Variants in CCL17 observed in about 807,000 individuals in gnomAD.
CCL17 encodes C-C motif chemokine ligand 17.
CCL17 carries 8 observed loss-of-function variants against 7.4 expected under a neutral mutation model. The ratio of observed to expected loss-of-function variants is 1.09; its 90% CI spans 0.64 to 1.96. CCL17 has a LOEUF of 1.96. Ranked by LOEUF, CCL17 falls within the 30% of genes most tolerant of loss-of-function variation. The pLI, the probability that CCL17 is intolerant of heterozygous loss-of-function variation, is 0.00. For missense variants in CCL17, 102 were observed against 113.0 expected, an observed-to-expected ratio of 0.90 and a Z score of 0.44; for synonymous variants, 40 against 46.1, an observed-to-expected ratio of 0.87 and a Z score of 0.54.
chr16:57,409,826 G>T (rs403724), intron 1 of CCL17, among the ~76,000 whole-genome samples: 1 of 152,150 alleles, frequency 6.6e-6, no homozygotes, highest in Non-Finnish European at 1.5e-5. Context: ...TGGGGTCAGG[G>T]GTGGAAATAC....
intron 1 of CCL17, among the ~76,000 whole-genome samples, chr16:57,407,423 A>G (rs1213425956): frequency 6.6e-6 from 1 of 152,230 alleles, no homozygotes; most frequent in Admixed American, 6.5e-5. Context: ...GGTGTGTCTC[A>G]TGAAATGATG....
At chr16:57,407,156 G>A (rs1199034298) in intron 1 of CCL17, among the ~76,000 whole-genome samples, 2 of 152,176 alleles carry the variant, frequency 1.3e-5, no homozygotes, top group Non-Finnish European at 2.9e-5. Context: ...TATGGAAGTG[G>A]AGAGACAGGA....
intron 1 of CCL17, among the ~76,000 whole-genome samples, chr16:57,410,910 C>G (rs763595316): frequency 6.6e-6 from 1 of 152,164 alleles, no homozygotes; most frequent in African/African-American, 2.4e-5. Context: ...GCCCACGGCG[C>G]GGGGCAAGGT....
rs760471927 is a variant in CCL17 at position 57,413,916 on chromosome 16, C to A, written c.-17C>A. On this transcript the variant is annotated 5_prime_UTR_variant, in exon 2 of 4. Coordinates refer to ENST00000219244, the MANE Select transcript of CCL17 (RefSeq NM_002987.3). ...AGGGACCTGCACACAGAGACTCCCT[C>A]CTGGGCTCCTGGCACCATGGCCCCA... is the stretch of plus-strand genomic sequence containing the variant. 1 of 1,598,898 alleles carries A rather than the reference C, an allele frequency of 6.3e-7. No homozygotes were observed. Among genetic ancestry groups the A allele is most frequent in the Non-Finnish European group, 8.5e-7 (1 of 1,172,730 alleles).
upstream of CCL17, among the ~76,000 whole-genome samples, chr16:57,401,461 T>A (rs529574128): frequency 6.6e-6 from 1 of 151,002 alleles, no homozygotes; most frequent in South Asian, 2.1e-4. Context: ...GAGGTAGAGG[T>A]TGCAGTGAGA....
intron 1 of CCL17, among the ~76,000 whole-genome samples, chr16:57,407,291 T>C (rs1229597435): frequency 1.3e-5 from 2 of 152,052 alleles, no homozygotes; most frequent in South Asian, 2.1e-4. Context: ...CAAGCCACAG[T>C]TGAAGCAATA....
chr16:57,413,502 T>C (rs223828), intron 1 of CCL17, among the ~76,000 whole-genome samples: 141,768 of 152,176 alleles, frequency 0.93, 66,466 homozygotes, highest in African/African-American at 0.98. Flanking sequence ...TCTGCCTGGT[T>C]GACTCCCCGA....
In CCL17 at chr16:57,415,873, C is replaced by G. The variant is rs377119374; in HGVS notation, c.*12C>G. ...TTGAGAGGTCTTGAAGCCTCCTCAC[C>G]CCAGACTCCTGACTGTCTCCCGGGA... On this transcript the variant is annotated 3_prime_UTR_variant, in exon 4 of 4. Coordinates refer to ENST00000219244, the MANE Select transcript of CCL17 (RefSeq NM_002987.3). This position sits in a 1 kb window ranked among gnomAD's most constrained non-coding sequence, Gnocchi z 4.5. 1 of 1,528,832 alleles carries G rather than the reference C, an allele frequency of 6.5e-7. No individual in the cohort carries two copies. Among genetic ancestry groups the G allele is most frequent in the East Asian group, 2.2e-5 (1 of 44,464 alleles). The allele number at this position is 1,528,832 out of a possible 1,614,324, so 94.7% of individuals were successfully genotyped here.
the CCL17 span, among the ~76,000 whole-genome samples, chr16:57,398,322 G>A: frequency 2.0e-5 from 3 of 152,288 alleles, no homozygotes; most frequent in Admixed American, 6.5e-5. Flanking sequence ...ACTGGTTGTG[G>A]GGTTATTCCT....
At chr16:57,404,959 T>C (rs74721250) in intron 1 of CCL17, 123 bp downstream of exon 1, 2,160 of 154,134 alleles carry the variant, frequency 0.014, 55 homozygotes, top group African/African-American at 0.048. Flanking sequence ...AGATAATCCA[T>C]ACAAGAAGGG....
At chr16:57,406,170 C>G (rs1395949363) in intron 1 of CCL17, among the ~76,000 whole-genome samples, 1 of 152,216 alleles carries the variant, frequency 6.6e-6, no homozygotes, top group Non-Finnish European at 1.5e-5. Flanking sequence ...CTGCCACCAG[C>G]TAGCTCTGTG....
intron 1 of CCL17, among the ~76,000 whole-genome samples, chr16:57,408,289 C>G (rs1479349834): frequency 1.3e-5 from 2 of 151,828 alleles, no homozygotes; most frequent in Non-Finnish European, 2.9e-5. Flanking sequence ...TCATCACTCA[C>G]CCACACGTCC....
Position 57,415,005 on chromosome 16 carries a change from C to T in CCL17, c.71-76C>T, listed in dbSNP as rs551348344. 9.1e-5 allele frequency: 84 copies of T among 926,398 alleles called. 1 individual carries two copies. Among genetic ancestry groups the T allele is most frequent in the Admixed American group, 6.3e-4 (37 of 58,728 alleles). 57.4% of individuals were successfully genotyped at this position (926,398 alleles called of 1,614,324 possible). On this transcript the variant is annotated intron_variant, in intron 2 of 3. Coordinates refer to ENST00000219244, the MANE Select transcript of CCL17 (RefSeq NM_002987.3). The surrounding 1 kb of genome is among the most constrained non-coding windows in gnomAD (Gnocchi z 4.5). ...TGGACACGCACATGCAGATCTTCCACGAACACCCCCCAGAGGTCCCCGCAA... is the reference window on the plus strand; with the variant it reads ...TGGACACGCACATGCAGATCTTCCATGAACACCCCCCAGAGGTCCCCGCAA...
chr16:57,408,506 G>A (rs1902733463), intron 1 of CCL17, among the ~76,000 whole-genome samples: 1 of 152,126 alleles, frequency 6.6e-6, no homozygotes, highest in African/African-American at 2.4e-5. Flanking sequence ...CAACTTTCCT[G>A]ATGTAGGTGA....
chr16:57,410,421 A>G (rs536977222), intron 1 of CCL17, among the ~76,000 whole-genome samples: 1 of 152,124 alleles, frequency 6.6e-6, no homozygotes, highest in African/African-American at 2.4e-5. Flanking sequence ...ATTACCCTTC[A>G]CACTCTCCTA....
Position 57,414,015 on chromosome 16 carries a change from G to A in CCL17, c.70+13G>A. The A allele has an allele frequency of 6.2e-7, 1 of 1,608,410 alleles. No individual in the cohort carries two copies. The highest frequency in any genetic ancestry group is 8.5e-7 in the Non-Finnish European group (1 of 1,177,160). Reference sequence around the variant, plus strand: ...CACATCCACGCAGGTGAGAGCAGGGGACAGGTGGCCAGGGGCAGGCACCGG... The same window carrying A: ...CACATCCACGCAGGTGAGAGCAGGGAACAGGTGGCCAGGGGCAGGCACCGG... On this transcript the variant is annotated intron_variant, in intron 2 of 3. Transcript: ENST00000219244.
At chr16:57,396,255 G>T in the CCL17 span, among the ~76,000 whole-genome samples, 1 of 152,228 alleles carries the variant, frequency 6.6e-6, no homozygotes, top group Non-Finnish European at 1.5e-5. Flanking sequence ...GACTTAGGAA[G>T]ACTAAGGTGC....
Position 57,414,010 on chromosome 16 carries a change from C to T in CCL17, c.70+8C>T, listed in dbSNP as rs773135161. 1.2e-5 allele frequency: 19 copies of T among 1,608,982 alleles called. No individual in the cohort carries two copies. In the East Asian group the frequency reaches 4.0e-4, roughly 34 times the overall value. On this transcript the variant is annotated splice_region_variant and intron_variant, in intron 2 of 3. Transcript: ENST00000219244. ...TGCAGCACATCCACGCAGGTGAGAG[C>T]AGGGGACAGGTGGCCAGGGGCAGGC...
chr16:57,397,171 G>A, the CCL17 span, among the ~76,000 whole-genome samples: 1 of 152,212 alleles, frequency 6.6e-6, no homozygotes, highest in African/African-American at 2.4e-5. Flanking sequence ...TTGTCCCAGA[G>A]GGGCCTTACG....
Sources: allele counts gnomAD v4.1 joint callset (sites outside exome capture counted in the v4.1 genomes callset), GRCh38; gene constraint gnomAD v4.1.1; non-coding constraint Gnocchi (gnomAD v3.1); transcripts MANE v1.5; gene names NCBI Gene and HGNC (gene_info 2026-07-23, HGNC 2026-07-21).